NALF1: variants seen among roughly 807,000 people sequenced by gnomAD.
NALF1 encodes the protein family with sequence similarity 155 member A.
Under a neutral mutation model 48.4 loss-of-function variants are expected in NALF1, and 3 were observed. The ratio of observed to expected loss-of-function variants is 0.06; its 90% confidence interval spans 0.03 to 0.16. The LOEUF is 0.16. Among genes scored for constraint, NALF1 ranks in the 10% least tolerant of loss-of-function variants. NALF1 has a pLI of 1.00. For synonymous variants in NALF1, 262 were observed against 245.7 expected, an observed-to-expected ratio of 1.07 and a Z score of -0.62; for missense variants, 526 against 571.5, an observed-to-expected ratio of 0.92 and a Z score of 0.81.
At chr13:107,372,228 T>C (rs967124387) in intron 1 of NALF1, among the ~76,000 whole-genome samples, 4 of 152,236 alleles carry the variant, frequency 2.6e-5, no homozygotes, top group South Asian at 2.1e-4. Context: ...ACAATGTACA[T>C]GGAATTCAAA....
At chr13:107,424,383 C>T (rs1387677792) in intron 1 of NALF1, among the ~76,000 whole-genome samples, 2 of 152,110 alleles carry the variant, frequency 1.3e-5, no homozygotes, top group African/African-American at 4.8e-5. Flanking sequence ...AGCAATCCGC[C>T]CCACTCAGCC....
Position 107,866,369 on chromosome 13 carries a change from CTGCTGCTGCTGG to C in NALF1, c.216_227del (p.His72_Gln75del). ...GCTGCTGCTGCTGCTGCTGCTGCCG[CTGCTGCTGCTGG>C]TGCTCCTTGTCCCGGGCCCGGGTCA... On this transcript the variant is annotated inframe_deletion, in exon 1 of 3. Transcript: ENST00000375915. This position sits in a 1 kb window ranked among gnomAD's most constrained non-coding sequence, Gnocchi z 4.4. 1 of 1,478,392 alleles carries C rather than the reference CTGCTGCTGCTGG, an allele frequency of 6.8e-7. No individual in the cohort carries two copies. Among genetic ancestry groups the C allele is most frequent in the South Asian group, 1.3e-5 (1 of 75,544 alleles). 91.6% of individuals were successfully genotyped at this position (1,478,392 alleles called of 1,614,324 possible).
intron 2 of NALF1, among the ~76,000 whole-genome samples, chr13:107,173,415 C>T (rs540154657): frequency 2.2e-4 from 34 of 152,342 alleles, no homozygotes; most frequent in African/African-American, 7.9e-4. Context: ...TATCCCTATA[C>T]CACTTCGTTT....
At chr13:107,620,226 C>G (rs1005437043) in intron 1 of NALF1, among the ~76,000 whole-genome samples, 1 of 151,940 alleles carries the variant, frequency 6.6e-6, no homozygotes, top group Non-Finnish European at 1.5e-5. Flanking sequence ...TGATGGTGAG[C>G]CAGAGAAGAG....
At chr13:107,261,411 T>G (rs1374881296) in intron 1 of NALF1, among the ~76,000 whole-genome samples, 1 of 152,172 alleles carries the variant, frequency 6.6e-6, no homozygotes, top group African/African-American at 2.4e-5. Context: ...GTGGCCATTC[T>G]TCTCCTCCCC....
chr13:107,416,281 T>A (rs899601512), intron 1 of NALF1, among the ~76,000 whole-genome samples: 1 of 151,768 alleles, frequency 6.6e-6, no homozygotes, highest in African/African-American at 2.4e-5. Context: ...TCCCAAAGTG[T>A]TGGGATTACA....
chr13:107,399,254 T>C (rs561024116), intron 1 of NALF1, among the ~76,000 whole-genome samples: 1 of 152,278 alleles, frequency 6.6e-6, no homozygotes, highest in South Asian at 2.1e-4. Context: ...GAATGTATTA[T>C]GCTCTGGGAA....
intron 1 of NALF1, among the ~76,000 whole-genome samples, chr13:107,613,556 G>A (rs765798402): frequency 1.3e-5 from 2 of 152,174 alleles, no homozygotes; most frequent in Non-Finnish European, 2.9e-5. Flanking sequence ...TGTACTTCTA[G>A]ATTTCAGTCC....
intron 1 of NALF1, among the ~76,000 whole-genome samples, chr13:107,781,425 T>A (rs1447485550): frequency 6.6e-6 from 1 of 152,054 alleles, no homozygotes; most frequent in African/African-American, 2.4e-5. Context: ...TGATCTACAT[T>A]TTGGATCTAT....
intron 1 of NALF1, among the ~76,000 whole-genome samples, chr13:107,502,081 C>A (rs1391862320): frequency 6.6e-6 from 1 of 152,006 alleles, no homozygotes; most frequent in Non-Finnish European, 1.5e-5. Flanking sequence ...TCATTAAGGT[C>A]AAGAATACAA....
chr13:107,362,863 G>C lies in NALF1; in HGVS notation c.916-152108C>G, dbSNP rs1322465846. Among the ~76,000 whole-genome samples the C allele has an allele frequency of 6.6e-6, 1 of 152,136 alleles. No individual in the cohort carries two copies. The highest frequency in any genetic ancestry group is 2.4e-5 in the African/African-American group (1 of 41,422). On this transcript the variant is annotated intron_variant, in intron 1 of 2. Transcript: ENST00000375915. This position sits in a 1 kb window ranked among gnomAD's most constrained non-coding sequence, Gnocchi z 4.6. ...GCTTTTGGCAGGTCTAAAGTAAGTG[G>C]AGGGATTGGGTTATCTATACATACC...
At chr13:107,802,098 G>A (rs781761355) in intron 1 of NALF1, among the ~76,000 whole-genome samples, 3 of 152,122 alleles carry the variant, frequency 2.0e-5, no homozygotes, top group East Asian at 1.9e-4. Flanking sequence ...ACAAAAAGTT[G>A]CTAAATGTCT....
chr13:107,739,723 G>A lies in NALF1; in HGVS notation c.915+125959C>T, dbSNP rs183647489. ...TAGGAACGGGGCCACACAGCAGCAG[G>A]TGAGCAGTGGGTGAGCGAGCGGAAC... On this transcript the variant is annotated intron_variant, in intron 1 of 2. Transcript: ENST00000375915. Among the ~76,000 whole-genome samples the A allele has an allele frequency of 2.6e-4, 40 of 152,268 alleles. 1 individual carries two copies. The East Asian group carries it at 7.5e-3, about 29-fold the overall frequency.
Position 107,524,029 on chromosome 13 carries a change from C to T in NALF1, c.916-313274G>A, listed in dbSNP as rs545705282. Among the ~76,000 whole-genome samples, 303 of 152,134 alleles carry T rather than the reference C, an allele frequency of 2.0e-3. 1 individual carries two copies. Among genetic ancestry groups the T allele is most frequent in the African/African-American group, 7.1e-3 (294 of 41,524 alleles). On this transcript the variant is annotated intron_variant, in intron 1 of 2. Coordinates refer to ENST00000375915, the MANE Select transcript of NALF1 (RefSeq NM_001080396.3). ...CTGCTGAATATGGAAGAGTTTTCAACGTTTTGGCTGTAAAATAATGATGAG... is the reference window on the plus strand; with the variant it reads ...CTGCTGAATATGGAAGAGTTTTCAATGTTTTGGCTGTAAAATAATGATGAG...
chr13:107,374,472 C>T (rs942126877), intron 1 of NALF1, among the ~76,000 whole-genome samples: 26 of 152,306 alleles, frequency 1.7e-4, no homozygotes, highest in African/African-American at 6.0e-4. Flanking sequence ...TTTTATATTA[C>T]AAGCTAAGCT....
At chr13:107,241,359 C>T (rs572703795) in intron 1 of NALF1, among the ~76,000 whole-genome samples, 1 of 152,276 alleles carries the variant, frequency 6.6e-6, no homozygotes, top group African/African-American at 2.4e-5. Context: ...GTGATGTGAT[C>T]TCTAGCAGAT....
intron 1 of NALF1, among the ~76,000 whole-genome samples, chr13:107,726,968 G>GC (rs1876174961): frequency 8.2e-6 from 1 of 122,340 alleles, no homozygotes; most frequent in Non-Finnish European, 1.7e-5. Flanking sequence ...TGTGTGAAAT[G>GC]AAGACTCCTT....
chr13:107,533,591 C>G (rs897303200), intron 1 of NALF1, among the ~76,000 whole-genome samples: 2 of 152,130 alleles, frequency 1.3e-5, no homozygotes, highest in Admixed American at 6.6e-5. Context: ...TATTTTGCTA[C>G]AGCAGCACAA....
intron 1 of NALF1, among the ~76,000 whole-genome samples, chr13:107,488,039 T>G (rs1483668113): frequency 1.3e-5 from 2 of 152,054 alleles, no homozygotes; most frequent in East Asian, 3.9e-4. Flanking sequence ...TCTTATAGAT[T>G]TTCTAGTTTA....
Sources: gnomAD v4.1 joint callset for allele counts (sites outside exome capture counted in the v4.1 genomes callset) on GRCh38, gnomAD v4.1.1 for gene constraint, Gnocchi (gnomAD v3.1) non-coding constraint, MANE v1.5 for transcripts, NCBI Gene and HGNC (gene_info 2026-07-23, HGNC 2026-07-21) for gene names.